SCFD1: variants seen among roughly 807,000 people sequenced by gnomAD.
The protein encoded by SCFD1 is sec1 family domain-containing protein 1.
A neutral mutation model predicts 103.2 loss-of-function variants in SCFD1; 37 were observed. The ratio of observed to expected loss-of-function variants is 0.36; its 90% CI spans 0.28 to 0.47. The LOEUF (loss-of-function observed/expected upper bound fraction) is 0.47. Ranked by LOEUF, SCFD1 falls within the 20% of genes least tolerant of loss-of-function variation. The pLI, the probability that SCFD1 is intolerant of heterozygous loss-of-function variation, is 1.00. For missense variants in SCFD1, 639 were observed against 761.2 expected (o/e 0.84, Z 1.89); for synonymous variants, 264 against 245.0 (o/e 1.08, Z -0.73).
intron 1 of SCFD1, 63 bp downstream of exon 1, chr14:30,622,462 G>A (rs747823237): frequency 6.5e-7 from 1 of 1,540,366 alleles, no homozygotes; most frequent in Non-Finnish European, 8.8e-7. Flanking sequence ...CTTCTCCTCT[G>A]GTGCGTGCAG....
In SCFD1 at chr14:30,694,849, A is replaced by G. The variant is rs749212426; in HGVS notation, c.1319A>G (p.Asp440Gly). Residue 440 changes from aspartate (D) to glycine (G), a missense_variant, in exon 15 of 25, where the codon GAT (aspartate) becomes GGT (glycine). Physicochemically the swap from Asp to Gly is moderately conservative, Grantham distance 94. Transcript: ENST00000458591. Reference sequence around the variant, plus strand: ...ACTACTCTGGATAAATCTCTTCTAGATATAATATCAGACCCTGATGGTATG... The same window carrying G: ...ACTACTCTGGATAAATCTCTTCTAGGTATAATATCAGACCCTGATGGTATG... The part of the protein sequence containing the change: ...SKTTLDKSLL[D>G]IISDPDAGTP... 1 of 1,587,938 alleles carries G rather than the reference A, an allele frequency of 6.3e-7. No homozygotes were observed.
chr14:30,691,932 C>CTTTATTTATTTATTTA lies in SCFD1; in HGVS notation c.1243-2819_1243-2804dup, dbSNP rs10639442. On this transcript the variant is annotated intron_variant, in intron 14 of 24. Coordinates refer to ENST00000458591, the MANE Select transcript of SCFD1 (RefSeq NM_016106.4). ...AGAATCTGCTATGGCATTTAGCATA[C>CTTTATTTATTTATTTA]TTTATTTATTTATTTATTTATTTAT... Among the ~76,000 whole-genome samples the CTTTATTTATTTATTTA allele has an allele frequency of 9.8e-3, 1,398 of 143,230 alleles. 9 individuals carry two copies. Among genetic ancestry groups the CTTTATTTATTTATTTA allele is most frequent in the East Asian group, 0.02 (95 of 4,848 alleles). 94.0% of individuals were successfully genotyped at this position (143,230 alleles called of 152,430 possible). A position where few individuals can be genotyped will look rare whatever the true frequency, so the allele number is the denominator to read the frequency against.
chr14:30,625,618 T>TATATAGGTATAGGTATATAGGC (rs1230515001), intron 1 of SCFD1, among the ~76,000 whole-genome samples: 1 of 68,178 alleles, frequency 1.5e-5, no homozygotes, highest in Non-Finnish European at 3.1e-5. Context: ...TAGGTATACC[T>TATATAGGTATAGGTATATAGGC]ATATAGGTAT....
intron 20 of SCFD1, among the ~76,000 whole-genome samples, chr14:30,718,861 C>T (rs1312057131): frequency 6.6e-6 from 1 of 152,146 alleles, no homozygotes; most frequent in African/African-American, 2.4e-5. Flanking sequence ...GCAGTGTCCA[C>T]CCCATTGGGT....
intron 1 of SCFD1, 135 bp from the exon 2 acceptor site, chr14:30,628,074 C>T: frequency 1.7e-6 from 1 of 591,740 alleles, no homozygotes; most frequent in Non-Finnish European, 3.0e-6. Flanking sequence ...CCTAGTTCTA[C>T]ACATATAGTC....
At chr14:30,674,900 A>G in intron 13 of SCFD1, 84 bp from the exon 14 acceptor site, 6 of 693,064 alleles carry the variant, frequency 8.7e-6, no homozygotes, top group Admixed American at 3.0e-5. Context: ...CTGAGTTTCC[A>G]CAGGGGAAAC....
chr14:30,675,548 G>A lies in SCFD1; in HGVS notation c.1242+483G>A, dbSNP rs529445185. Among the ~76,000 whole-genome samples the A allele has an allele frequency of 1.6e-4, 24 of 152,208 alleles. No homozygotes were observed. In the South Asian group the frequency reaches 4.8e-3, roughly 30 times the overall value. On this transcript the variant is annotated intron_variant, in intron 14 of 24. Coordinates refer to ENST00000458591, the MANE Select transcript of SCFD1 (RefSeq NM_016106.4). ...CTGTGATTTTGAAACAAGTATGTTG[G>A]GAGTTCTATATATTGTTATAGTTCT...
chr14:30,643,192 A>C, intron 6 of SCFD1, 124 bp from the exon 7 acceptor site: 1 of 756,164 alleles, frequency 1.3e-6, no homozygotes, highest in Non-Finnish European at 2.3e-6. Flanking sequence ...AATTTAAACC[A>C]AAAAATTTCA....
At chr14:30,698,660 T>C (rs1377071037) in intron 15 of SCFD1, among the ~76,000 whole-genome samples, 1 of 152,132 alleles carries the variant, frequency 6.6e-6, no homozygotes, top group East Asian at 1.9e-4. Flanking sequence ...TCTAGCTGGT[T>C]GATCATAGTT....
chr14:30,643,470 T>G, intron 7 of SCFD1, 65 bp downstream of exon 7: 1 of 1,105,238 alleles, frequency 9.0e-7, no homozygotes, highest in South Asian at 1.2e-5. Flanking sequence ...TTTTAATGTA[T>G]TACACTGTAA....
At chr14:30,651,913 AC>A (rs1377936821) in intron 9 of SCFD1, among the ~76,000 whole-genome samples, 3 of 152,172 alleles carry the variant, frequency 2.0e-5, no homozygotes, top group Admixed American at 2.0e-4. Context: ...GGTAGGTGTT[AC>A]TAGAATCTTG....
intron 14 of SCFD1, among the ~76,000 whole-genome samples, chr14:30,681,246 T>G (rs534989479): frequency 6.8e-6 from 1 of 147,078 alleles, no homozygotes; most frequent in African/African-American, 2.5e-5. Context: ...GCGCTCAACA[T>G]ACTGGTTGAA....
chr14:30,662,097 A>G (rs1236785039), intron 10 of SCFD1, among the ~76,000 whole-genome samples: 1 of 152,214 alleles, frequency 6.6e-6, no homozygotes, highest in East Asian at 1.9e-4. Context: ...TACAGGAGGA[A>G]TATTTGCCTG....
At position 30,735,675 on chromosome 14, in the gene SCFD1, G is replaced by A; in HGVS notation, c.*66G>A. On this transcript the variant is annotated 3_prime_UTR_variant, in exon 25 of 25. Coordinates refer to ENST00000458591, the MANE Select transcript of SCFD1 (RefSeq NM_016106.4). ...ATAAATGTAAAAAGAAGAAAAGTTA[G>A]AAGAGCAATATGTTTCCTTCTCTGT... 8.4e-7 allele frequency: 1 copy of A among 1,186,730 alleles called. No homozygotes were observed. Among genetic ancestry groups the A allele is most frequent in the Admixed American group, 2.1e-5 (1 of 48,690 alleles). 73.5% of individuals were successfully genotyped at this position (1,186,730 alleles called of 1,614,324 possible). A position where few individuals can be genotyped will look rare whatever the true frequency, so the allele number is the denominator to read the frequency against.
intron 3 of SCFD1, among the ~76,000 whole-genome samples, chr14:30,631,660 CTTAACTG>C (rs1443036340): frequency 6.6e-6 from 1 of 152,032 alleles, no homozygotes; most frequent in Non-Finnish European, 1.5e-5. Flanking sequence ...TCTGTGTTGT[CTTAACTG>C]TTAAGTTTGT....
At chr14:30,656,318 C>G (rs1400163759) in intron 10 of SCFD1, among the ~76,000 whole-genome samples, 1 of 152,122 alleles carries the variant, frequency 6.6e-6, no homozygotes, top group Non-Finnish European at 1.5e-5. Flanking sequence ...TGGGAATGAT[C>G]CAAACAGCGA....
At chr14:30,622,922 G>A (rs1398419695) in intron 1 of SCFD1, among the ~76,000 whole-genome samples, 4 of 152,182 alleles carry the variant, frequency 2.6e-5, no homozygotes, top group African/African-American at 9.6e-5. Context: ...GGAAGGCATT[G>A]AAGAATGGCA....
intron 10 of SCFD1, among the ~76,000 whole-genome samples, chr14:30,657,116 G>A (rs971095869): frequency 6.6e-6 from 1 of 151,920 alleles, no homozygotes; most frequent in Admixed American, 6.6e-5. Context: ...TGGTGTTGGT[G>A]TTAAGGCAAT....
At chr14:30,649,344 C>A (rs1230623328) in intron 7 of SCFD1, among the ~76,000 whole-genome samples, 184 bp from the exon 8 acceptor site, 3 of 151,824 alleles carry the variant, frequency 2.0e-5, no homozygotes, top group Non-Finnish European at 4.4e-5. Context: ...GTACTTGTAC[C>A]CCCTAAATAT....
Sources: allele counts gnomAD v4.1 joint callset (sites outside exome capture counted in the v4.1 genomes callset), GRCh38; gene constraint gnomAD v4.1.1; transcripts MANE v1.5; gene names NCBI Gene and HGNC (gene_info 2026-07-23, HGNC 2026-07-21).